PREX2: variants seen among roughly 807,000 people sequenced by gnomAD.
PREX2 encodes the protein phosphatidylinositol-3,4,5-trisphosphate dependent Rac exchange factor 2, also known as phosphatidylinositol 3,4,5-trisphosphate-dependent Rac exchanger 2 protein.
A neutral mutation model predicts 203.2 loss-of-function variants in PREX2; 107 were observed. That is an observed-to-expected ratio of 0.53 (90% CI 0.45 to 0.62). The LOEUF (loss-of-function observed/expected upper bound fraction) is 0.62. PREX2 is among the 20% of genes least tolerant of loss of function. The pLI, the probability that PREX2 is intolerant of heterozygous loss-of-function variation, is 0.00. For missense variants in PREX2, 1,777 were observed against 1,955.9 expected, an observed-to-expected ratio of 0.91 and a Z score of 1.72; for synonymous variants, 672 against 663.6, an observed-to-expected ratio of 1.01 and a Z score of -0.19.
At chr8:67,956,967 C>T (rs552404145) in intron 1 of PREX2, among the ~76,000 whole-genome samples, 3 of 152,180 alleles carry the variant, frequency 2.0e-5, no homozygotes, top group South Asian at 4.2e-4. Flanking sequence ...TTTCTTCATT[C>T]GTAGAAGGGA....
chr8:68,179,100 A>G (rs1812036300), intron 35 of PREX2, among the ~76,000 whole-genome samples: 2 of 152,170 alleles, frequency 1.3e-5, no homozygotes, highest in Admixed American at 1.3e-4. Context: ...TGATGGTGCA[A>G]CCGCATGTGA....
At chr8:68,104,860 A>C (rs188137057) in intron 23 of PREX2, among the ~76,000 whole-genome samples, 1 of 152,288 alleles carries the variant, frequency 6.6e-6, no homozygotes, top group Admixed American at 6.5e-5. Flanking sequence ...TGGTATCCAT[A>C]GTAGATCTAA....
chr8:67,954,081 A>G (rs1262334869), intron 1 of PREX2, among the ~76,000 whole-genome samples: 1 of 152,226 alleles, frequency 6.6e-6, no homozygotes, highest in Non-Finnish European at 1.5e-5. Flanking sequence ...TATTTAAAAT[A>G]TCAGTTTTTC....
chr8:68,087,855 G>A (rs754591752), intron 19 of PREX2, 46 bp downstream of exon 19: 1 of 1,192,346 alleles, frequency 8.4e-7, no homozygotes, highest in Non-Finnish European at 1.3e-6. Flanking sequence ...GCAGGTTTGG[G>A]ATGTGCCCGA....
rs965923977 is a variant in PREX2, at chr8:67,997,402, C to T, written c.142-20444C>T. ...GATTGTTTAGTTTATAAATTAGGTA[C>T]AGTAGGAGACTAATAACAATAACTA... On this transcript the variant is annotated intron_variant, in intron 1 of 39. Coordinates refer to ENST00000288368, the MANE Select transcript of PREX2 (RefSeq NM_024870.4). Among the ~76,000 whole-genome samples the T allele has an allele frequency of 2.6e-5, 4 of 152,086 alleles. No individual in the cohort carries two copies. In the East Asian group the frequency reaches 7.7e-4, roughly 29 times the overall value.
In PREX2 at chr8:67,952,247, C is replaced by T. The variant is rs533029911; in HGVS notation, c.-148C>T. ...CCCCTCCTCTCCCTGCGCCCAGCCT[C>T]TCCCCAGCATGTAAAGTCTTCTGTC... is the stretch of plus-strand genomic sequence containing the variant. On this transcript the variant is annotated 5_prime_UTR_variant, in exon 1 of 40. Coordinates refer to ENST00000288368, the MANE Select transcript of PREX2 (RefSeq NM_024870.4). The T allele has an allele frequency of 6.4e-3, 3,929 of 610,902 alleles. 20 individuals carry two copies. Among genetic ancestry groups the T allele is most frequent in the Non-Finnish European group, 8.4e-3 (3,550 of 421,220 alleles). 37.8% of individuals were successfully genotyped at this position (610,902 alleles called of 1,614,324 possible).
intron 35 of PREX2, among the ~76,000 whole-genome samples, chr8:68,170,492 T>A (rs1458497431): frequency 1.3e-5 from 2 of 152,240 alleles, no homozygotes; most frequent in African/African-American, 2.4e-5. Context: ...CCACATGCAT[T>A]ATAGCCTTCA....
chr8:68,059,396 T>G (rs537518085), intron 10 of PREX2, among the ~76,000 whole-genome samples: 115 of 152,316 alleles, frequency 7.6e-4, no homozygotes, highest in African/African-American at 2.7e-3. Context: ...GTGACAGATG[T>G]AACCTATAAT....
intron 23 of PREX2, among the ~76,000 whole-genome samples, chr8:68,100,580 C>T (rs1255854439): frequency 6.6e-6 from 1 of 152,140 alleles, no homozygotes; most frequent in East Asian, 1.9e-4. Flanking sequence ...GAGAAGCCTC[C>T]AGGGAGAAGG....
intron 9 of PREX2, among the ~76,000 whole-genome samples, chr8:68,054,634 T>G (rs1392444831): frequency 6.6e-6 from 1 of 152,210 alleles, no homozygotes; most frequent in East Asian, 1.9e-4. Flanking sequence ...GGATTTTAGC[T>G]TGGCACTGTT....
chr8:68,171,830 G>C (rs897677013), intron 35 of PREX2, among the ~76,000 whole-genome samples: 9 of 152,202 alleles, frequency 5.9e-5, no homozygotes, highest in Non-Finnish European at 8.8e-5. Context: ...GAGAAAGAGA[G>C]AGGGAGAAAG....
chr8:68,120,778 G>A (rs912837519), intron 29 of PREX2, 143 bp from the exon 30 acceptor site: 29 of 661,552 alleles, frequency 4.4e-5, no homozygotes, highest in South Asian at 9.3e-5. Context: ...TACATTTAAC[G>A]GATTTTCTGA....
At chr8:67,969,606 C>A (rs927765712) in intron 1 of PREX2, among the ~76,000 whole-genome samples, 1 of 152,136 alleles carries the variant, frequency 6.6e-6, no homozygotes, top group Middle Eastern at 3.2e-3. Flanking sequence ...TGTAGTTACT[C>A]CCTCAAGTCC....
chr8:68,052,045 G>A (rs1480661312), intron 8 of PREX2, among the ~76,000 whole-genome samples: 5 of 152,112 alleles, frequency 3.3e-5, no homozygotes, highest in Admixed American at 6.5e-5. Flanking sequence ...TGAGTGCCAA[G>A]CACATCTGTT....
chr8:68,102,178 T>C (rs1197744230), intron 23 of PREX2, among the ~76,000 whole-genome samples: 2 of 152,200 alleles, frequency 1.3e-5, no homozygotes, highest in African/African-American at 4.8e-5. Flanking sequence ...CAGCCATGTG[T>C]ATGGACTCTT....
intron 8 of PREX2, among the ~76,000 whole-genome samples, chr8:68,047,486 T>G (rs1199615946): frequency 6.8e-4 from 70 of 103,528 alleles, no homozygotes; most frequent in African/African-American, 3.8e-3. Context: ...TATATATATA[T>G]ATATATATAT....
intron 37 of PREX2, among the ~76,000 whole-genome samples, chr8:68,197,746 T>C (rs1812426631): frequency 6.8e-6 from 1 of 147,972 alleles, no homozygotes; most frequent in Non-Finnish European, 1.5e-5. Flanking sequence ...ATATATATGC[T>C]ATATATATAT....
intron 1 of PREX2, among the ~76,000 whole-genome samples, chr8:68,016,887 T>A (rs1441208330): frequency 6.6e-6 from 1 of 152,026 alleles, no homozygotes; most frequent in Non-Finnish European, 1.5e-5. Flanking sequence ...GCGCTAGGAG[T>A]ATAGACATGA....
Position 68,143,488 on chromosome 8 carries a change from T to G in PREX2, c.4088-2721T>G, listed in dbSNP as rs541113691. 3.3e-5 allele frequency among the ~76,000 whole-genome samples: 5 copies of G among 152,312 alleles called. No homozygotes were observed. The East Asian group carries it at 7.7e-4, about 24-fold the overall frequency. On this transcript the variant is annotated intron_variant, in intron 33 of 39. Transcript: ENST00000288368. The stretch of plus-strand genomic sequence containing the variant: ...CAGAACCATGAACCAATTAAACCTC[T>G]TTTCTTTAAAAATTACTCACTCAGA...
Sources: allele counts gnomAD v4.1 joint callset (sites outside exome capture counted in the v4.1 genomes callset), GRCh38; gene constraint gnomAD v4.1.1; transcripts MANE v1.5; gene names NCBI Gene and HGNC (gene_info 2026-07-23, HGNC 2026-07-21).